PRKCQ: variants seen among roughly 807,000 people sequenced by gnomAD.
PRKCQ encodes the protein protein kinase C theta.
A neutral mutation model predicts 91.2 loss-of-function variants in PRKCQ; 41 were observed. The observed-to-expected ratio is 0.45, with a 90% CI of 0.35 to 0.58. The LOEUF (loss-of-function observed/expected upper bound fraction) is 0.58, where lower values mean the gene tolerates loss of function less well. Among genes scored for constraint, PRKCQ ranks in the 20% least tolerant of loss-of-function variants. The pLI is 0.00. For missense variants in PRKCQ, 673 were observed against 896.5 expected (o/e 0.75, Z 3.18); for synonymous variants, 307 against 316.9 (o/e 0.97, Z 0.33).
chr10:6,500,408 T>C (rs1837840241), intron 4 of PRKCQ, among the ~76,000 whole-genome samples: 1 of 151,348 alleles, frequency 6.6e-6, no homozygotes, highest in Non-Finnish European at 1.5e-5. Context: ...TATACATATA[T>C]CTATACATAT....
At position 6,479,426 on chromosome 10, in the gene PRKCQ, T is replaced by C. The variant is rs115102584; in HGVS notation, c.1180-261A>G. ...AAGCAATTGAATGGATTTTTAAAAG[T>C]GTGCCCTGCCTGCTCAGGGATCTGA... On this transcript the variant is annotated intron_variant, in intron 11 of 17. Transcript: ENST00000263125. Among the ~76,000 whole-genome samples the C allele has an allele frequency of 5.4e-3, 818 of 152,308 alleles. 7 individuals are homozygous for C. The highest frequency in any genetic ancestry group is 0.019 in the African/African-American group (770 of 41,562).
At chr10:6,488,950 T>C (rs974789014) in intron 8 of PRKCQ, among the ~76,000 whole-genome samples, 1 of 151,638 alleles carries the variant, frequency 6.6e-6, no homozygotes, top group African/African-American at 2.4e-5. Context: ...CCCGACTAAT[T>C]TTTTTATTTT....
At chr10:6,555,089 G>A (rs902995964) in intron 1 of PRKCQ, among the ~76,000 whole-genome samples, 1 of 151,056 alleles carries the variant, frequency 6.6e-6, no homozygotes, top group African/African-American at 2.4e-5. Flanking sequence ...GGTACTCATG[G>A]ACATAAAGAT....
At chr10:6,500,515 T>C (rs549661909) in intron 4 of PRKCQ, among the ~76,000 whole-genome samples, 1 of 151,872 alleles carries the variant, frequency 6.6e-6, no homozygotes, top group South Asian at 2.1e-4. Flanking sequence ...TATAGTACTA[T>C]AATTTTTTTA....
At position 6,497,403 on chromosome 10, in the gene PRKCQ, C is replaced by CA. The variant is rs1240168480; in HGVS notation, c.543-153dup. On this transcript the variant is annotated intron_variant, in intron 5 of 17. Coordinates refer to ENST00000263125, the MANE Select transcript of PRKCQ (RefSeq NM_006257.5). The surrounding 1 kb of genome is among the most constrained non-coding windows in gnomAD (Gnocchi z 4.5). ...TTGTATCATTTGCCAAGAGTATTAA[C>CA]AGAGTGTTTTTCATTTGAAGCTGCG... The CA allele has an allele frequency of 1.1e-6, 1 of 906,772 alleles. No homozygotes were observed. Among genetic ancestry groups the CA allele is most frequent in the Non-Finnish European group, 1.7e-6 (1 of 574,018 alleles). 56.2% of individuals were successfully genotyped at this position (906,772 alleles called of 1,614,324 possible). A position where few individuals can be genotyped will look rare whatever the true frequency, so the allele number is the denominator to read the frequency against.
chr10:6,571,073 T>C (rs1841026822), intron 1 of PRKCQ, among the ~76,000 whole-genome samples: 1 of 151,890 alleles, frequency 6.6e-6, no homozygotes, highest in African/African-American at 2.4e-5. Context: ...AGGAAGATCA[T>C]TGGCCAGGGA....
rs150667696 is a variant in PRKCQ at position 6,478,743 on chromosome 10, A to G, written c.1353+249T>C. ...CCTGGTTGTTATGCTAAATGAAACC[A>G]AATTCTAAAAAACAGGAAAACAGAC... On this transcript the variant is annotated intron_variant, in intron 12 of 17. Transcript: ENST00000263125. Among the ~76,000 whole-genome samples the G allele has an allele frequency of 8.1e-3, 1,236 of 152,362 alleles. 17 individuals carry two copies. The highest frequency in any genetic ancestry group is 0.027 in the African/African-American group (1,129 of 41,580).
intron 2 of PRKCQ, among the ~76,000 whole-genome samples, chr10:6,514,008 A>G (rs1045047485): frequency 3.3e-5 from 5 of 152,202 alleles, no homozygotes; most frequent in Non-Finnish European, 7.3e-5. Flanking sequence ...TTCTGCAAGA[A>G]TAGATGCTCT....
At chr10:6,556,297 T>C (rs1450894531) in intron 1 of PRKCQ, among the ~76,000 whole-genome samples, 2 of 151,876 alleles carry the variant, frequency 1.3e-5, no homozygotes, top group Non-Finnish European at 2.9e-5. Context: ...CTGGGTGCAG[T>C]GGCATACGCT....
At chr10:6,506,235 T>C (rs1305309610) in intron 4 of PRKCQ, among the ~76,000 whole-genome samples, 1 of 152,210 alleles carries the variant, frequency 6.6e-6, no homozygotes, top group Non-Finnish European at 1.5e-5. Context: ...AATTTTATTA[T>C]GGAAAATTTC....
chr10:6,398,748 CT>C, the PRKCQ span, among the ~76,000 whole-genome samples: 17 of 129,164 alleles, frequency 1.3e-4, no homozygotes, highest in African/African-American at 4.3e-4. Flanking sequence ...TTTTCTTTTT[CT>C]TTTTTTTTCT....
At chr10:6,445,322 C>T (rs646613) in intron 15 of PRKCQ, among the ~76,000 whole-genome samples, 20,405 of 151,820 alleles carry the variant, frequency 0.13, 2,158 homozygotes, top group East Asian at 0.43. Flanking sequence ...GCTGTGAAGT[C>T]TCTCTAAGGC....
chr10:6,560,361 G>A (rs1445378020), intron 1 of PRKCQ, among the ~76,000 whole-genome samples: 1 of 152,090 alleles, frequency 6.6e-6, no homozygotes, highest in Non-Finnish European at 1.5e-5. Flanking sequence ...TTGATTTGCT[G>A]GGAAGCCTAC....
At chr10:6,512,727 T>C (rs1351560726) in intron 2 of PRKCQ, among the ~76,000 whole-genome samples, 1 of 152,348 alleles carries the variant, frequency 6.6e-6, no homozygotes, top group East Asian at 1.9e-4. Context: ...AGCAGACATT[T>C]AGCATTTGTT....
At chr10:6,484,094 A>G (rs1020774889) in intron 10 of PRKCQ, among the ~76,000 whole-genome samples, 13 of 152,252 alleles carry the variant, frequency 8.5e-5, no homozygotes. Flanking sequence ...GAACTGCATC[A>G]TTCATCCCAG....
intron 1 of PRKCQ, among the ~76,000 whole-genome samples, chr10:6,531,401 G>A (rs1245053098): frequency 1.3e-5 from 2 of 151,122 alleles, no homozygotes; most frequent in Non-Finnish European, 2.9e-5. Context: ...ACAAATGGCG[G>A]GAGGGTGTGC....
intron 8 of PRKCQ, chr10:6,489,536 G>A (rs745581511): frequency 2.0e-6 from 1 of 495,528 alleles, no homozygotes; most frequent in Non-Finnish European, 4.2e-6. Context: ...CTGCAAGGAG[G>A]CAGGATGAAA....
At chr10:6,456,275 C>T (rs1361772277) in intron 15 of PRKCQ, among the ~76,000 whole-genome samples, 2 of 152,208 alleles carry the variant, frequency 1.3e-5, no homozygotes, top group African/African-American at 4.8e-5. Flanking sequence ...GAGACTTTGG[C>T]AATCACTCTG....
At chr10:6,433,139 G>A (rs1353872724) in intron 16 of PRKCQ, among the ~76,000 whole-genome samples, 4 of 152,210 alleles carry the variant, frequency 2.6e-5, no homozygotes, top group Non-Finnish European at 4.4e-5. Context: ...TGTGCTAGAT[G>A]CCTCAGTGAT....
Sources: allele counts gnomAD v4.1 joint callset (sites outside exome capture counted in the v4.1 genomes callset), GRCh38; gene constraint gnomAD v4.1.1; non-coding constraint Gnocchi (gnomAD v3.1); transcripts MANE v1.5; gene names NCBI Gene and HGNC (gene_info 2026-07-23, HGNC 2026-07-21).